Variants in FMO4 observed in about 807,000 individuals in gnomAD.
FMO4 encodes dimethylaniline monooxygenase [N-oxide-forming] 4.
Under a neutral mutation model 43.3 loss-of-function variants are expected in FMO4, and 38 were observed. The observed-to-expected ratio is 0.88, with a 90% CI of 0.68 to 1.15. FMO4 has a LOEUF of 1.15. Ranked by LOEUF, FMO4 falls within the 50% of genes most tolerant of loss-of-function variation. The pLI is 0.00. For missense variants in FMO4, 631 were observed against 663.3 expected (o/e 0.95, Z 0.54); for synonymous variants, 224 against 232.2 (o/e 0.96, Z 0.32).
At chr1:171,320,223 T>A (rs1662356123) in intron 3 of FMO4, among the ~76,000 whole-genome samples, 1 of 152,210 alleles carries the variant, frequency 6.6e-6, no homozygotes, top group Non-Finnish European at 1.5e-5. Flanking sequence ...ATTGGACATT[T>A]ATGATGATTT....
At chr1:171,329,477 T>C (rs1048565354) in intron 5 of FMO4, among the ~76,000 whole-genome samples, 15 of 152,178 alleles carry the variant, frequency 9.9e-5, no homozygotes, top group African/African-American at 3.6e-4. Context: ...TCAGACTGGC[T>C]CTCTTCCACA....
At chr1:171,316,974 T>C (rs1662224354) in intron 2 of FMO4, among the ~76,000 whole-genome samples, 1 of 152,094 alleles carries the variant, frequency 6.6e-6, no homozygotes, top group African/African-American at 2.4e-5. Context: ...TACAGAGCCA[T>C]AGAGAAAAAC....
Position 171,334,538 on chromosome 1 carries a change from G to A in FMO4, c.955G>A (p.Glu319Lys), listed in dbSNP as rs756951706. Reference protein sequence around the residue: ...SAVFEDGTVEENIDVVIFTTG... With the variant: ...SAVFEDGTVEKNIDVVIFTTG... ...TGTCTTTGAAGATGGGACAGTGGAA[G>A]AAAACATTGATGTTGTGATCTTCAC... Residue 319 changes from glutamate to lysine, a missense_variant, in exon 8 of 10, where the codon GAA becomes AAA. Physicochemically the swap from Glu to Lys is moderately conservative, Grantham distance 56. Transcript: ENST00000367749. 66 of 1,613,802 alleles carry A rather than the reference G, an allele frequency of 4.1e-5. No homozygotes were observed. In the East Asian group the frequency reaches 6.5e-4, roughly 16 times the overall value.
chr1:171,320,767 G>A (rs545744919), intron 3 of FMO4, among the ~76,000 whole-genome samples: 1 of 152,218 alleles, frequency 6.6e-6, no homozygotes, highest in Admixed American at 6.5e-5. Flanking sequence ...CTTGAGGCCA[G>A]GAGCTCAAGA....
intron 2 of FMO4, among the ~76,000 whole-genome samples, chr1:171,318,745 A>C (rs896085384): frequency 6.6e-6 from 1 of 152,188 alleles, no homozygotes; most frequent in African/African-American, 2.4e-5. Flanking sequence ...TGTAGCAGGC[A>C]CACTTCTAAA....
chr1:171,340,747 C>T (rs1030944931), intron 9 of FMO4, among the ~76,000 whole-genome samples: 3 of 152,106 alleles, frequency 2.0e-5, no homozygotes, highest in Non-Finnish European at 4.4e-5. Context: ...ACCATTTTCC[C>T]ATCATCCTTT....
intron 5 of FMO4, among the ~76,000 whole-genome samples, chr1:171,329,801 C>G (rs714839): frequency 6.6e-6 from 1 of 151,982 alleles, no homozygotes; most frequent in Non-Finnish European, 1.5e-5. Flanking sequence ...ACAAAACTGG[C>G]CTCACACACA....
In FMO4 at chr1:171,324,184, G is replaced by C. The variant is rs560646416; in HGVS notation, c.368G>C (p.Gly123Ala). 2.5e-6 allele frequency: 4 copies of C among 1,613,648 alleles called. No homozygotes were observed. Among genetic ancestry groups the C allele is most frequent in the Non-Finnish European group, 3.4e-6 (4 of 1,179,832 alleles). ...AAGCGTCCAGACTTCTCCGAAACTG[G>C]TCAGTGGGATGTTGTCACAGAGACA... Reference protein sequence around the residue: ...ITKRPDFSETGQWDVVTETEG... With the variant: ...ITKRPDFSETAQWDVVTETEG... The change falls in exon 5 of 10, where the codon GGT (glycine) becomes GCT (alanine). Residue 123 changes from glycine (G) to alanine (A), a missense_variant. Coordinates refer to ENST00000367749, the MANE Select transcript of FMO4 (RefSeq NM_002022.3).
intron 5 of FMO4, among the ~76,000 whole-genome samples, chr1:171,328,649 C>CAA (rs1286478526): frequency 3.9e-4 from 52 of 131,820 alleles, no homozygotes; most frequent in African/African-American, 1.4e-3. Context: ...GACCCTGTCT[C>CAA]AAAAAAAAAA....
chr1:171,329,093 C>T (rs1662796062), intron 5 of FMO4, among the ~76,000 whole-genome samples: 1 of 152,176 alleles, frequency 6.6e-6, no homozygotes, highest in Non-Finnish European at 1.5e-5. Flanking sequence ...CTCTGCCATC[C>T]TCTCCCTCCG....
At chr1:171,338,777 C>T (rs936283846) in intron 9 of FMO4, among the ~76,000 whole-genome samples, 4 of 152,146 alleles carry the variant, frequency 2.6e-5, no homozygotes, top group African/African-American at 9.7e-5. Context: ...TACATATCTA[C>T]TTAGTTGAGG....
At chr1:171,315,920 T>C (rs1662179112) in intron 1 of FMO4, among the ~76,000 whole-genome samples, 1 of 152,176 alleles carries the variant, frequency 6.6e-6, no homozygotes, top group Admixed American at 6.5e-5. Flanking sequence ...ACCATAGGAC[T>C]TAGCACAAGG....
At chr1:171,319,782 T>C in intron 2 of FMO4, 36 bp from the exon 3 acceptor site, 1 of 1,603,462 alleles carries the variant, frequency 6.2e-7, no homozygotes, top group South Asian at 1.1e-5. Context: ...CCAAACTTAT[T>C]AAATAAAGAA....
intron 7 of FMO4, among the ~76,000 whole-genome samples, chr1:171,334,039 C>A (rs1663008984): frequency 6.6e-6 from 1 of 152,138 alleles, no homozygotes; most frequent in South Asian, 2.1e-4. Flanking sequence ...AATTTCCTGT[C>A]TGCCTGATGT....
intron 9 of FMO4, among the ~76,000 whole-genome samples, chr1:171,339,536 G>A (rs1316254489): frequency 6.6e-6 from 1 of 152,094 alleles, no homozygotes; most frequent in Non-Finnish European, 1.5e-5. Flanking sequence ...CGTGCCAATC[G>A]AGCTGTTGCA....
chr1:171,323,332 C>G, intron 4 of FMO4, 140 bp downstream of exon 4: 1 of 621,336 alleles, frequency 1.6e-6, no homozygotes. Context: ...CTCCTCACTT[C>G]CGCTGCTGCT....
At chr1:171,317,795 T>C (rs1293638614) in intron 2 of FMO4, among the ~76,000 whole-genome samples, 1 of 152,180 alleles carries the variant, frequency 6.6e-6, no homozygotes, top group East Asian at 1.9e-4. Context: ...ACCCATGTAA[T>C]ATCCTTGTTT....
At chr1:171,322,216 G>A (rs1384105078) in intron 3 of FMO4, among the ~76,000 whole-genome samples, 6 of 152,158 alleles carry the variant, frequency 3.9e-5, no homozygotes, top group African/African-American at 1.4e-4. Context: ...TTGTGCTGAT[G>A]AGAAGGAGCC....
At chr1:171,323,445 C>T (rs1323201822) in intron 4 of FMO4, among the ~76,000 whole-genome samples, 1 of 152,172 alleles carries the variant, frequency 6.6e-6, no homozygotes, top group Non-Finnish European at 1.5e-5. Context: ...AGGCAGATCA[C>T]TTGAGGTCAG....
Sources: gnomAD v4.1 joint callset for allele counts (sites outside exome capture counted in the v4.1 genomes callset) on GRCh38, gnomAD v4.1.1 for gene constraint, MANE v1.5 for transcripts, NCBI Gene and HGNC (gene_info 2026-07-23, HGNC 2026-07-21) for gene names.